ESRRG: variants seen among roughly 807,000 people sequenced by gnomAD.
ESRRG encodes estrogen-related receptor gamma.
ESRRG carries 13 observed loss-of-function variants against 44.0 expected under a neutral mutation model. That is an observed-to-expected ratio of 0.30 (90% confidence interval 0.19 to 0.47). ESRRG has a LOEUF of 0.47. ESRRG is among the 20% of genes least tolerant of loss of function. The pLI is 1.00. For missense variants in ESRRG, 395 were observed against 580.6 expected (o/e 0.68, Z 3.29); for synonymous variants, 215 against 214.6 (o/e 1.00, Z -0.02).
At chr1:216,931,710 G>A (rs1235455589) in intron 2 of ESRRG, among the ~76,000 whole-genome samples, 1 of 151,876 alleles carries the variant, frequency 6.6e-6, no homozygotes, top group East Asian at 1.9e-4. Flanking sequence ...TCTCCAACTT[G>A]TCTATGAGCT....
intron 1 of ESRRG, among the ~76,000 whole-genome samples, chr1:216,994,682 C>T (rs994329213): frequency 2.6e-5 from 4 of 152,134 alleles, no homozygotes; most frequent in East Asian, 1.9e-4. Flanking sequence ...CCAGGGTTCA[C>T]GCCATTCTCC....
At chr1:216,515,768 T>A (rs2044073957) in intron 6 of ESRRG, among the ~76,000 whole-genome samples, 1 of 152,048 alleles carries the variant, frequency 6.6e-6, no homozygotes, top group African/African-American at 2.4e-5. Flanking sequence ...ATTTAGAGAT[T>A]GAAGTTCTTA....
intron 3 of ESRRG, among the ~76,000 whole-genome samples, chr1:216,607,924 T>C (rs768848072): frequency 6.6e-6 from 1 of 152,196 alleles, no homozygotes; most frequent in Non-Finnish European, 1.5e-5. Context: ...AAAGCATTAT[T>C]TCTCCTAGAT....
At chr1:216,873,209 G>GTTTTTTTTGTTTTTT in intron 2 of ESRRG, among the ~76,000 whole-genome samples, 1 of 105,948 alleles carries the variant, frequency 9.4e-6, no homozygotes, top group Middle Eastern at 6.5e-3. Flanking sequence ...CATCTTTTCA[G>GTTTTTTTTGTTTTTT]TTTTTTTTTT....
chr1:216,831,182 C>T (rs922839134), intron 2 of ESRRG, among the ~76,000 whole-genome samples: 11 of 151,722 alleles, frequency 7.3e-5, no homozygotes, highest in African/African-American at 1.5e-4. Context: ...GGAGGAGTTA[C>T]GTGTCTGGTG....
At chr1:216,637,217 G>A (rs563879267) in intron 3 of ESRRG, among the ~76,000 whole-genome samples, 2 of 152,222 alleles carry the variant, frequency 1.3e-5, no homozygotes, top group South Asian at 4.2e-4. Flanking sequence ...CACGGAAGGG[G>A]TGCCACTCAG....
At chr1:216,935,615 T>C (rs1298111737) in intron 2 of ESRRG, among the ~76,000 whole-genome samples, 3 of 149,540 alleles carry the variant, frequency 2.0e-5, no homozygotes, top group African/African-American at 4.9e-5. Flanking sequence ...TCCCACAGTT[T>C]AGGAATTTTT....
In ESRRG at chr1:216,848,328, C is replaced by T. The variant is rs1045618496; in HGVS notation, c.-14+91254G>A. ...GCCCTACATGGACATGTAAATTTTT[C>T]TCTACCTGAGGTTTAGAATGTCTGG... On this transcript the variant is annotated intron_variant, in intron 2 of 7. Coordinates refer to the ESRRG transcript ENST00000359162. 1.1e-4 allele frequency among the ~76,000 whole-genome samples: 17 copies of T among 151,916 alleles called. No homozygotes were observed. In the East Asian group the frequency reaches 2.3e-3, roughly 21 times the overall value.
chr1:217,105,161 A>G (rs538758847), intron 1 of ESRRG, among the ~76,000 whole-genome samples: 1 of 152,288 alleles, frequency 6.6e-6, no homozygotes, highest in East Asian at 1.9e-4. Context: ...TTATGTCATG[A>G]TCACCCTTCC....
intron 1 of ESRRG, among the ~76,000 whole-genome samples, chr1:217,054,030 G>GAAA (rs34225711): frequency 7.5e-6 from 1 of 133,866 alleles, no homozygotes; most frequent in Non-Finnish European, 1.6e-5. Flanking sequence ...TTTGAGCTCT[G>GAAA]AAAAAAAAAA....
intron 1 of ESRRG, among the ~76,000 whole-genome samples, chr1:217,042,313 C>G (rs1375389390): frequency 6.6e-6 from 1 of 152,132 alleles, no homozygotes. Context: ...CATTTCAAAT[C>G]TAACCTTGTC....
chr1:216,879,025 T>C (rs1278149762), intron 2 of ESRRG, among the ~76,000 whole-genome samples: 2 of 152,202 alleles, frequency 1.3e-5, no homozygotes, highest in Non-Finnish European at 1.5e-5. Flanking sequence ...TAGGTGAGCA[T>C]GGAGGCCAAA....
chr1:216,773,800 C>T (rs11117673), intron 2 of ESRRG, among the ~76,000 whole-genome samples: 13,406 of 152,002 alleles, frequency 0.088, 841 homozygotes, highest in African/African-American at 0.17. Flanking sequence ...TAGGATCATG[C>T]ACTTTTAGAA....
At chr1:216,779,804 G>A (rs560229175) in intron 2 of ESRRG, among the ~76,000 whole-genome samples, 72 of 151,298 alleles carry the variant, frequency 4.8e-4, no homozygotes, top group African/African-American at 1.7e-3. Flanking sequence ...ATATTAAAAG[G>A]TTAGGATTTG....
intron 1 of ESRRG, among the ~76,000 whole-genome samples, chr1:217,077,479 G>A (rs1357935616): frequency 5.3e-5 from 8 of 152,020 alleles, no homozygotes; most frequent in Admixed American, 3.3e-4. Context: ...AGGGTAATAC[G>A]ACCACCCTTG....
In ESRRG at chr1:216,506,700, TA is replaced by T. The variant is rs1446951414; in HGVS notation, c.*238del. Reference sequence around the variant, plus strand: ...GGTGAAAGAAGAAAAGGAGAAAAAATAAAGAGAAAGAGAAATGTGGGAAGAA... The same window carrying T: ...GGTGAAAGAAGAAAAGGAGAAAAAATAAGAGAAAGAGAAATGTGGGAAGAA... On this transcript the variant is annotated 3_prime_UTR_variant, in exon 7 of 7. Coordinates refer to ENST00000408911, the MANE Select transcript of ESRRG (RefSeq NM_001438.4). 1.0e-5 allele frequency: 6 copies of T among 594,842 alleles called. No individual in the cohort carries two copies. Among genetic ancestry groups the T allele is most frequent in the Admixed American group, 2.7e-5 (1 of 36,752 alleles). The allele number at this position is 594,842 out of a possible 1,614,324, so 36.8% of individuals were successfully genotyped here.
chr1:216,608,275 T>C (rs1400229925), intron 3 of ESRRG, among the ~76,000 whole-genome samples: 5 of 152,232 alleles, frequency 3.3e-5, no homozygotes, highest in Non-Finnish European at 5.9e-5. Flanking sequence ...GTCATGACTG[T>C]AGATTCTGAA....
At chr1:217,007,236 C>T (rs943058339) in intron 1 of ESRRG, among the ~76,000 whole-genome samples, 29 of 152,130 alleles carry the variant, frequency 1.9e-4, no homozygotes, top group African/African-American at 6.5e-4. Context: ...GTGAATGTGA[C>T]TTCTCAATTT....
At chr1:216,564,430 C>A in intron 4 of ESRRG, 50 bp from the exon 5 acceptor site, 2 of 1,435,310 alleles carry the variant, frequency 1.4e-6, no homozygotes, top group South Asian at 1.4e-5. Flanking sequence ...TATCATCCCT[C>A]TTTTATAAAC....
Sources: allele counts gnomAD v4.1 joint callset (sites outside exome capture counted in the v4.1 genomes callset), GRCh38; gene constraint gnomAD v4.1.1; transcripts MANE v1.5; gene names NCBI Gene and HGNC (gene_info 2026-07-23, HGNC 2026-07-21).